Variants in P3H1 observed in about 807,000 individuals in gnomAD.
P3H1 encodes the protein growth suppressor 1.
Under a neutral mutation model 84.0 loss-of-function variants are expected in P3H1, and 69 were observed. That is an observed-to-expected ratio of 0.82 (90% CI 0.68 to 1.00). The LOEUF is 1.00. Ranked by LOEUF, P3H1 falls within the 50% of genes least tolerant of loss-of-function variation. The pLI is 0.00. For missense variants in P3H1, 878 were observed against 962.8 expected, an observed-to-expected ratio of 0.91 and a Z score of 1.17; for synonymous variants, 366 against 388.8, an observed-to-expected ratio of 0.94 and a Z score of 0.69.
intron 9 of P3H1, 53 bp from the exon 10 acceptor site, chr1:42,752,422 G>T: frequency 6.2e-7 from 1 of 1,609,800 alleles, no homozygotes; most frequent in Non-Finnish European, 8.5e-7. Context: ...GAGGGCTTGA[G>T]AAGAGGTGGT....
Position 42,759,288 on chromosome 1 carries a change from C to G in P3H1, c.721G>C (p.Glu241Gln). ...ALQEYFVAYE[E>Q]CRALCEGPYD... ...GGCCCTTCGCAGAGGGCACGGCACT[C>G]CTCATAGGCCACAAAGTATTCTTGC... The change falls in exon 3 of 15, where the codon GAG becomes CAG. Residue 241 changes from glutamate to glutamine, a missense_variant. Physicochemically the swap from Glu to Gln is conservative, Grantham distance 29. Transcript: ENST00000296388. 1 of 1,614,164 alleles carries G rather than the reference C, an allele frequency of 6.2e-7. No homozygotes were observed. Among genetic ancestry groups the G allele is most frequent in the East Asian group, 2.2e-5 (1 of 44,874 alleles).
intron 11 of P3H1, chr1:42,749,923 T>C (rs1450479717): frequency 2.4e-5 from 12 of 507,828 alleles, no homozygotes; most frequent in East Asian, 1.4e-4. Context: ...TTAAAGTGCG[T>C]TGTGTGACAA....
chr1:42,764,328 A>G (rs1652878370), intron 1 of P3H1, among the ~76,000 whole-genome samples: 1 of 148,370 alleles, frequency 6.7e-6, no homozygotes. Context: ...AGGCTGAGGT[A>G]GGGGAGTCAC....
chr1:42,748,360 A>T (rs150291892), intron 11 of P3H1, 43 bp from the exon 12 acceptor site: 1 of 1,412,416 alleles, frequency 7.1e-7, no homozygotes, highest in Non-Finnish European at 1.0e-6. Flanking sequence ...GCACCTCGGG[A>T]GACGGCATAG....
At chr1:42,752,231 C>A in intron 10 of P3H1, 43 bp downstream of exon 10, 1 of 1,523,320 alleles carries the variant, frequency 6.6e-7, no homozygotes, top group South Asian at 1.1e-5. Context: ...CCCCCTTCCC[C>A]ACCCCTTTCT....
intron 8 of P3H1, among the ~76,000 whole-genome samples, chr1:42,753,224 A>G (rs376325812): frequency 1.8e-4 from 27 of 152,236 alleles, no homozygotes; most frequent in African/African-American, 5.5e-4. Flanking sequence ...GGATCTTGCA[A>G]TCTGCATGAC....
At chr1:42,755,659 A>C in intron 5 of P3H1, 22 bp from the exon 6 acceptor site, 1 of 1,579,896 alleles carries the variant, frequency 6.3e-7, no homozygotes, top group Non-Finnish European at 8.7e-7. Context: ...AAAGCAAACA[A>C]ATCCCCCAGA....
rs1035425402 is a variant in P3H1 at position 42,766,826 on chromosome 1, C to T, written c.146G>A (p.Gly49Glu). ...FAEGTAAYAR[G>E]DWPGVVLSME... Reference sequence around the variant, plus strand: ...GCTCAGGACCACCCCGGGCCAGTCCCCGCGCGCGTAGGCTGCGGTCCCCTC... The same window carrying T: ...GCTCAGGACCACCCCGGGCCAGTCCTCGCGCGCGTAGGCTGCGGTCCCCTC... The change falls in exon 1 of 15, where the codon GGG becomes GAG. Residue 49 changes from glycine to glutamate, a missense_variant. Gly to Glu is a moderately conservative substitution (Grantham distance 98). Coordinates refer to ENST00000296388, the MANE Select transcript of P3H1 (RefSeq NM_022356.4). 7 of 1,604,274 alleles carry T rather than the reference C, an allele frequency of 4.4e-6. No individual in the cohort carries two copies. The highest frequency in any genetic ancestry group is 2.7e-5 in the African/African-American group (2 of 74,936).
intron 5 of P3H1, among the ~76,000 whole-genome samples, chr1:42,756,706 C>T (rs1652422948): frequency 6.6e-6 from 1 of 152,214 alleles, no homozygotes. Context: ...AACCCCACTT[C>T]CATCTTTATT....
At chr1:42,755,677 C>T in intron 5 of P3H1, 40 bp from the exon 6 acceptor site, 4 of 1,538,134 alleles carry the variant, frequency 2.6e-6, no homozygotes, top group Non-Finnish European at 3.6e-6. Flanking sequence ...AGAACTCAGC[C>T]CTGTCTTTTA....
intron 3 of P3H1, 56 bp downstream of exon 3, chr1:42,759,145 G>A: frequency 6.3e-7 from 1 of 1,588,212 alleles, no homozygotes. Context: ...TTATCAGATG[G>A]TGACCTTAGA....
chr1:42,758,302 T>C (rs1217085283), intron 4 of P3H1, among the ~76,000 whole-genome samples: 3 of 152,240 alleles, frequency 2.0e-5, no homozygotes, highest in African/African-American at 7.2e-5. Context: ...CTTTTTTCTA[T>C]AGATTTTCAG....
intron 2 of P3H1, 101 bp from the exon 3 acceptor site, chr1:42,759,491 G>A: frequency 4.0e-6 from 4 of 989,436 alleles, no homozygotes; most frequent in Non-Finnish European, 6.2e-6. Context: ...CTGTTCCTCA[G>A]GTTATGGATG....
Position 42,747,723 on chromosome 1 carries a change from C to T in P3H1, c.1914G>A (p.Thr638=), listed in dbSNP as rs765091931. The change falls in exon 13 of 15, where the codon ACG becomes ACA. Residue 638 remains threonine (T), a splice_region_variant and synonymous_variant. Coordinates refer to ENST00000296388, the MANE Select transcript of P3H1 (RefSeq NM_022356.4). ...YFTELDAKTV[T]AEVQPQCGRA... ...GGGACAAGGACAAGGGAGCACTCACCGTCACGGTCTTGGCATCCAGTTCAG... is the reference window on the plus strand; with the variant it reads ...GGGACAAGGACAAGGGAGCACTCACTGTCACGGTCTTGGCATCCAGTTCAG... The T allele has an allele frequency of 1.8e-5, 29 of 1,613,984 alleles. No homozygotes were observed. Among genetic ancestry groups the T allele is most frequent in the Middle Eastern group, 1.6e-4 (1 of 6,062 alleles).
chr1:42,757,491 G>A (rs953753153), intron 5 of P3H1, among the ~76,000 whole-genome samples: 6 of 152,170 alleles, frequency 3.9e-5, no homozygotes, highest in Non-Finnish European at 7.4e-5. Flanking sequence ...CCAAGTTAGG[G>A]GTGCCAAGAG....
intron 3 of P3H1, 46 bp from the exon 4 acceptor site, chr1:42,759,029 G>T: frequency 6.2e-7 from 1 of 1,612,052 alleles, no homozygotes; most frequent in South Asian, 1.1e-5. Flanking sequence ...TCACTCTTTA[G>T]AACTCAAATT....
chr1:42,756,885 G>A (rs1652430841), intron 5 of P3H1, among the ~76,000 whole-genome samples: 1 of 152,228 alleles, frequency 6.6e-6, no homozygotes, highest in Non-Finnish European at 1.5e-5. Context: ...GAAGAAGAGT[G>A]CCAACCTTGC....
chr1:42,766,592 G>T lies in P3H1; in HGVS notation c.380C>A (p.Pro127Gln), dbSNP rs1359477996. 1.2e-6 allele frequency: 2 copies of T among 1,609,784 alleles called. No homozygotes were observed. Among genetic ancestry groups the T allele is most frequent in the East Asian group, 2.2e-5 (1 of 44,766 alleles). The change falls in exon 1 of 15, where the codon CCG (proline) becomes CAG (glutamine). Residue 127 changes from proline (P) to glutamine (Q), a missense_variant. Transcript: ENST00000296388. ...CTCTTCGCTGAGCGAGTGGGCGGCC[G>T]GCGGCCCGAGGCAGCGGCGCAGGCA... ...AACLRRCLGP[P>Q]AAHSLSEEME...
chr1:42,758,331 A>G (rs546021347), intron 4 of P3H1, among the ~76,000 whole-genome samples: 18 of 152,354 alleles, frequency 1.2e-4, no homozygotes, highest in African/African-American at 4.3e-4. Context: ...GAAGATTACA[A>G]TAGCAGATTG....
Sources: gnomAD v4.1 joint callset for allele counts (sites outside exome capture counted in the v4.1 genomes callset) on GRCh38, gnomAD v4.1.1 for gene constraint, MANE v1.5 for transcripts, NCBI Gene and HGNC (gene_info 2026-07-23, HGNC 2026-07-21) for gene names.